OSBPL7: variants seen among roughly 807,000 people sequenced by gnomAD.
OSBPL7 encodes the protein oxysterol binding protein like 7.
A neutral mutation model predicts 115.8 loss-of-function variants in OSBPL7; 66 were observed. The observed-to-expected ratio is 0.57, with a 90% confidence interval of 0.47 to 0.70. OSBPL7 has a LOEUF of 0.70. OSBPL7 is among the 30% of genes least tolerant of loss of function. The pLI is 0.00. For synonymous variants in OSBPL7, 441 were observed against 439.2 expected, an observed-to-expected ratio of 1.00 and a Z score of -0.05; for missense variants, 902 against 1,125.5, an observed-to-expected ratio of 0.80 and a Z score of 2.84.
chr17:47,809,825 T>C (rs942488776), intron 18 of OSBPL7, among the ~76,000 whole-genome samples: 1 of 152,220 alleles, frequency 6.6e-6, no homozygotes, highest in African/African-American at 2.4e-5. Flanking sequence ...CTTACTGTCA[T>C]GTCACAGGCA....
intron 5 of OSBPL7, 98 bp downstream of exon 5, chr17:47,818,888 A>T: frequency 9.1e-7 from 1 of 1,097,064 alleles, no homozygotes; most frequent in Non-Finnish European, 1.4e-6. Flanking sequence ...TCAGAGACAG[A>T]CCCTGAGTTC....
Position 47,817,304 on chromosome 17 carries a change from C to T in OSBPL7, c.654G>A (p.Leu218=), listed in dbSNP as rs1360548127. The T allele has an allele frequency of 4.4e-6, 7 of 1,603,356 alleles. No homozygotes were observed. The highest frequency in any genetic ancestry group is 5.1e-6 in the Non-Finnish European group (6 of 1,177,442). ...LQELHRLLQS[L]ESLHRIPSAP... ...CTGAGGGGATTCGGTGCAGGGACTC[C>T]AGGCTCTGGAGGAGCCTGTGTAGTT... is the stretch of plus-strand genomic sequence containing the variant. The change falls in exon 8 of 23, where the codon CTG becomes CTA. Residue 218 remains leucine, a synonymous_variant. Transcript: ENST00000007414.
In OSBPL7 at chr17:47,807,575, C is replaced by G. The variant is rs991133282; in HGVS notation, c.*716G>C. 6.5e-6 allele frequency: 1 copy of G among 152,914 alleles called. No individual in the cohort carries two copies. The highest frequency in any genetic ancestry group is 1.5e-5 in the Non-Finnish European group (1 of 68,470). The allele number at this position is 152,914 out of a possible 1,614,324, so 9.5% of individuals were successfully genotyped here. On this transcript the variant is annotated 3_prime_UTR_variant, in exon 23 of 23. Coordinates refer to ENST00000007414, the MANE Select transcript of OSBPL7 (RefSeq NM_145798.3). Reference sequence around the variant, plus strand: ...GAACTTACACTCACACCTGCGCACTCGCTGCCGGTGGGTCAGAGGACAGGT... The same window carrying G: ...GAACTTACACTCACACCTGCGCACTGGCTGCCGGTGGGTCAGAGGACAGGT...
At position 47,818,299 on chromosome 17, in the gene OSBPL7, C is replaced by T. The variant is rs1054671550; in HGVS notation, c.568G>A (p.Asp190Asn). The change falls in exon 7 of 23, where the codon GAC becomes AAC. Residue 190 changes from aspartate (D) to asparagine (N), a missense_variant. Asp to Asn is a conservative substitution (Grantham distance 23). Coordinates refer to ENST00000007414, the MANE Select transcript of OSBPL7 (RefSeq NM_145798.3). Reference protein sequence around the residue: ...PREKVSSWLRDSDGLDRCSHE... With the variant: ...PREKVSSWLRNSDGLDRCSHE... ...GAGCAGCGGTCCAGCCCATCACTGT[C>T]CCTCAGCCAGGAAGACACTTTCTCC... The T allele has an allele frequency of 1.9e-6, 3 of 1,614,092 alleles. No individual in the cohort carries two copies. The highest frequency in any genetic ancestry group is 1.7e-5 in the Admixed American group (1 of 60,016).
Position 47,819,991 on chromosome 17 carries a change from G to A in OSBPL7, c.181C>T (p.Pro61Ser), listed in dbSNP as rs916687657. Reference sequence around the variant, plus strand: ...CCTACCTTGTGCCAGCCCTTCAGAGGCCACTTCCTCTTCTTGAGCAGGTGA... The same window carrying A: ...CCTACCTTGTGCCAGCCCTTCAGAGACCACTTCCTCTTCTTGAGCAGGTGA... ...EGHLLKKRKW[P>S]LKGWHKRYFV... The change falls in exon 3 of 23, where the codon CCT becomes TCT. Residue 61 changes from proline (P) to serine (S), a missense_variant. Coordinates refer to ENST00000007414, the MANE Select transcript of OSBPL7 (RefSeq NM_145798.3). 6.2e-7 allele frequency: 1 copy of A among 1,610,022 alleles called. No homozygotes were observed. Among genetic ancestry groups the A allele is most frequent in the Non-Finnish European group, 8.5e-7 (1 of 1,179,676 alleles).
At position 47,808,235 on chromosome 17, in the gene OSBPL7, A is replaced by C; in HGVS notation, c.*56T>G. 2.2e-6 allele frequency: 3 copies of C among 1,343,750 alleles called. No homozygotes were observed. The highest frequency in any genetic ancestry group is 3.2e-6 in the Non-Finnish European group (3 of 943,736). 83.2% of individuals were successfully genotyped at this position (1,343,750 alleles called of 1,614,324 possible). A position where few individuals can be genotyped will look rare whatever the true frequency, so the allele number is the denominator to read the frequency against. ...CCGGCCTCACCCATGTGTCCATGGT[A>C]GGGGGTGGAGGCAGGAGGAGTGAGG... On this transcript the variant is annotated 3_prime_UTR_variant, in exon 23 of 23. Transcript: ENST00000007414. The surrounding 1 kb of genome is among the most constrained non-coding windows in gnomAD (Gnocchi z 6.1).
intron 5 of OSBPL7, 65 bp downstream of exon 5, chr17:47,818,921 C>T: frequency 7.3e-7 from 1 of 1,375,512 alleles, no homozygotes; most frequent in Admixed American, 1.7e-5. Context: ...GCCCCTGCCC[C>T]TGTGTGTTCC....
At position 47,816,781 on chromosome 17, in the gene OSBPL7, CGTCCAATG is replaced by C. The variant is rs1567943578; in HGVS notation, c.786_793del (p.Ile263GlyfsTer79). 1 of 1,614,158 alleles carries C rather than the reference CGTCCAATG, an allele frequency of 6.2e-7. No individual in the cohort carries two copies. Among genetic ancestry groups the C allele is most frequent in the Admixed American group, 1.7e-5 (1 of 60,028 alleles). ...CGTGAGGTGCATGCCCGACCTCACC[CGTCCAATG>C]GTGTCATCCTTGGCAAAGCTCTGGG... is the stretch of plus-strand genomic sequence containing the variant. On this transcript the variant is annotated frameshift_variant and splice_region_variant, in exon 9 of 23. Transcript: ENST00000007414. LOFTEE classifies it high-confidence loss of function. The surrounding 1 kb of genome is among the most constrained non-coding windows in gnomAD (Gnocchi z 5.8).
chr17:47,814,395 C>G (rs2033144915), intron 14 of OSBPL7, 126 bp downstream of exon 14: 1 of 835,782 alleles, frequency 1.2e-6, no homozygotes, highest in South Asian at 1.7e-5. Context: ...CTCCTGGGGT[C>G]AGCATCCAAA....
rs767261657 is a variant in OSBPL7, at chr17:47,809,400, G to A, written c.1959C>T (p.His653=). ...TGTTTCGGATGAGCACCTCCCCATAGTGCTCGATCCAGCGCTGACCACTCA... is the reference window on the plus strand; with the variant it reads ...TGTTTCGGATGAGCACCTCCCCATAATGCTCGATCCAGCGCTGACCACTCA... ...NVLSGQRWIE[H]YGEVLIRNTQ... is the part of the protein sequence containing the mutation. Residue 653 remains histidine, a synonymous_variant, in exon 19 of 23, where the codon CAC becomes CAT. Coordinates refer to ENST00000007414, the MANE Select transcript of OSBPL7 (RefSeq NM_145798.3). The A allele has an allele frequency of 2.5e-6, 4 of 1,614,192 alleles. No homozygotes were observed. Among genetic ancestry groups the A allele is most frequent in the Admixed American group, 1.7e-5 (1 of 60,026 alleles).
At position 47,817,350 on chromosome 17, in the gene OSBPL7, T is replaced by C. The variant is rs1471066564; in HGVS notation, c.608A>G (p.Glu203Gly). ...GLDRCSHELSECQGKLQELHR... is the reference protein window; with the variant it reads ...GLDRCSHELSGCQGKLQELHR... Reference sequence around the variant, plus strand: ...TAGTTCCTGGAGCTTCCCCTGACACTCAGAGAGCTCTGCGGGGAAAAAGAA... The same window carrying C: ...TAGTTCCTGGAGCTTCCCCTGACACCCAGAGAGCTCTGCGGGGAAAAAGAA... The change falls in exon 8 of 23, where the codon GAG (glutamate) becomes GGG (glycine). Residue 203 changes from glutamate to glycine, a missense_variant. Glu to Gly is a moderately conservative substitution (Grantham distance 98, BLOSUM62 -2). This residue lies in a region of OSBPL7 where 667 missense variants were observed against 788.7 expected (regional missense o/e 0.85). Transcript: ENST00000007414. 3 of 1,601,094 alleles carry C rather than the reference T, an allele frequency of 1.9e-6. No individual in the cohort carries two copies. The highest frequency in any genetic ancestry group is 1.4e-5 in the African/African-American group (1 of 73,946).
At position 47,813,401 on chromosome 17, in the gene OSBPL7, C is replaced by T. The variant is rs2033105635; in HGVS notation, c.1602G>A (p.Val534=). 6.2e-7 allele frequency: 1 copy of T among 1,613,864 alleles called. No individual in the cohort carries two copies. Among genetic ancestry groups the T allele is most frequent in the Non-Finnish European group, 8.5e-7 (1 of 1,180,020 alleles). The change falls in exon 16 of 23, where the codon GTG becomes GTA. Residue 534 remains valine (V), a splice_region_variant and synonymous_variant. Transcript: ENST00000007414. The part of the protein sequence containing the change: ...SRIADPCERM[V]YIAAFAVSAY... ...CCGAGACAGCAAAGGCTGCGATGTA[C>T]ACCTGTGGGGGGCAAGGAAGGTGCA...
In OSBPL7 at chr17:47,816,957, C is replaced by T. The variant is rs1000902711; in HGVS notation, c.703-85G>A. The T allele has an allele frequency of 7.5e-7, 1 of 1,338,412 alleles. No individual in the cohort carries two copies. Among genetic ancestry groups the T allele is most frequent in the Non-Finnish European group, 1.1e-6 (1 of 932,406 alleles). 82.9% of individuals were successfully genotyped at this position (1,338,412 alleles called of 1,614,324 possible). A position where few individuals can be genotyped will look rare whatever the true frequency, so the allele number is the denominator to read the frequency against. On this transcript the variant is annotated intron_variant, in intron 8 of 22. Transcript: ENST00000007414. The surrounding 1 kb of genome is among the most constrained non-coding windows in gnomAD (Gnocchi z 5.8). ...TCACAGCCTGGGAGAGGTAGACGGC[C>T]TCCTGCGCCATGGAGGAGGGCGCAG...
intron 16 of OSBPL7, among the ~76,000 whole-genome samples, chr17:47,811,794 T>C (rs567936966): frequency 5.3e-5 from 8 of 152,374 alleles, no homozygotes; most frequent in African/African-American, 1.9e-4. Context: ...TCTTTCCCTC[T>C]TTATTTCTCT....
At chr17:47,819,283 G>A (rs1447919872) in intron 4 of OSBPL7, 184 bp from the exon 5 acceptor site, 6 of 590,442 alleles carry the variant, frequency 1.0e-5, no homozygotes, top group South Asian at 4.0e-5. Context: ...GCTCCCCTAC[G>A]TCAAGTCACA....
At chr17:47,813,130 G>T in intron 16 of OSBPL7, 136 bp downstream of exon 16, 1 of 1,219,530 alleles carries the variant, frequency 8.2e-7, no homozygotes, top group Non-Finnish European at 1.1e-6. Flanking sequence ...CAGGAGCACC[G>T]CAGAGCCCGG....
Position 47,813,450 on chromosome 17 carries a change from C to A in OSBPL7, c.1600-47G>T, listed in dbSNP as rs756164381. 3 of 1,610,290 alleles carry A rather than the reference C, an allele frequency of 1.9e-6. No individual in the cohort carries two copies. In the Admixed American group the frequency reaches 5.0e-5, roughly 27 times the overall value. On this transcript the variant is annotated intron_variant, in intron 15 of 22. Coordinates refer to ENST00000007414, the MANE Select transcript of OSBPL7 (RefSeq NM_145798.3). Reference sequence around the variant, plus strand: ...CAGGGTACTGAGGACGGGGCCGCCACCCCAAGCAAGCAAAGTATGGGATCT... The same window carrying A: ...CAGGGTACTGAGGACGGGGCCGCCAACCCAAGCAAGCAAAGTATGGGATCT...
intron 4 of OSBPL7, 64 bp downstream of exon 4, chr17:47,819,665 T>C: frequency 6.3e-7 from 1 of 1,587,336 alleles, no homozygotes; most frequent in Non-Finnish European, 8.6e-7. Context: ...AGATACCCCA[T>C]GCCTGCCCAG....
rs945090573 is a variant in OSBPL7 at position 47,821,755 on chromosome 17, G to A, written c.-177C>T. ...CCGAGTCACCGGCTCCCTCCTCACC[G>A]CGCTGAGCAGTGGCAGCAGCTGCTG... is the stretch of plus-strand genomic sequence containing the variant. On this transcript the variant is annotated 5_prime_UTR_variant, in exon 1 of 23. Transcript: ENST00000007414. 2 of 152,508 alleles carry A rather than the reference G, an allele frequency of 1.3e-5. No homozygotes were observed. The highest frequency in any genetic ancestry group is 2.4e-5 in the African/African-American group (1 of 41,446). 9.4% of individuals were successfully genotyped at this position (152,508 alleles called of 1,614,324 possible).
Sources: gnomAD v4.1 joint callset for allele counts (sites outside exome capture counted in the v4.1 genomes callset) on GRCh38, gnomAD v4.1.1 for gene constraint, gnomAD v4.1.1 regional missense constraint, Gnocchi (gnomAD v3.1) non-coding constraint, MANE v1.5 for transcripts, NCBI Gene and HGNC (gene_info 2026-07-23, HGNC 2026-07-21) for gene names.